Variants in VLDLR observed in about 807,000 individuals in gnomAD.
The protein encoded by VLDLR is very low density lipoprotein receptor, also known as very low-density lipoprotein receptor.
Under a neutral mutation model 112.7 loss-of-function variants are expected in VLDLR, and 81 were observed. The observed-to-expected ratio is 0.72, with a 90% CI of 0.60 to 0.86. VLDLR has a LOEUF of 0.86. Among genes scored for constraint, VLDLR ranks in the 40% least tolerant of loss-of-function variants. VLDLR has a pLI of 0.00. For synonymous variants in VLDLR, 436 were observed against 384.8 expected (o/e 1.13, Z -1.56); for missense variants, 1,237 against 1,099.4 (o/e 1.13, Z -1.77).
intron 17 of VLDLR, 71 bp from the exon 18 acceptor site, chr9:2,652,709 A>G: frequency 6.3e-7 from 1 of 1,592,328 alleles, no homozygotes; most frequent in Admixed American, 1.7e-5. Flanking sequence ...TGGATTCCTG[A>G]ACGTTATTAC....
chr9:2,643,807 G>A (rs1817935960), intron 6 of VLDLR, 30 bp from the exon 7 acceptor site: 1 of 1,614,164 alleles, frequency 6.2e-7, no homozygotes, highest in Non-Finnish European at 8.5e-7. Context: ...ACCCACTCAT[G>A]GAATCTCTCT....
At position 2,645,460 on chromosome 9, in the gene VLDLR, G is replaced by A. The variant is rs1316662856; in HGVS notation, c.1313-114G>A. The A allele has an allele frequency of 1.2e-5, 15 of 1,262,262 alleles. No homozygotes were observed. In the African/African-American group the frequency reaches 1.9e-4, roughly 16 times the overall value. 78.2% of individuals were successfully genotyped at this position (1,262,262 alleles called of 1,614,324 possible). The stretch of plus-strand genomic sequence containing the variant: ...CAGGAACTCCAGAACAGATACTACT[G>A]AGGTATTCCACAATACCTTTATTTT... On this transcript the variant is annotated intron_variant, in intron 9 of 18. Transcript: ENST00000382100.
intron 7 of VLDLR, among the ~76,000 whole-genome samples, 194 bp from the exon 8 acceptor site, chr9:2,644,540 C>T (rs1481997188): frequency 6.6e-6 from 1 of 151,904 alleles, no homozygotes; most frequent in African/African-American, 2.4e-5. Flanking sequence ...AAATGCTTGA[C>T]CAGCTGGTAA....
intron 10 of VLDLR, 31 bp downstream of exon 10, chr9:2,645,776 A>G (rs1249011632): frequency 6.2e-7 from 1 of 1,613,568 alleles, no homozygotes; most frequent in African/African-American, 1.3e-5. Context: ...TGGTGTCTTG[A>G]CATAAGTCAT....
At chr9:2,653,148 A>T (rs576621997) in intron 18 of VLDLR, among the ~76,000 whole-genome samples, 199 bp downstream of exon 18, 1 of 152,342 alleles carries the variant, frequency 6.6e-6, no homozygotes, top group South Asian at 2.1e-4. Context: ...ACCAACTGAC[A>T]AGTGGGTCAA....
intron 14 of VLDLR, among the ~76,000 whole-genome samples, chr9:2,649,337 T>C (rs1454498152): frequency 1.3e-5 from 2 of 152,176 alleles, no homozygotes; most frequent in African/African-American, 4.8e-5. Flanking sequence ...TCCCCCTTTG[T>C]CTCTTCACAT....
At chr9:2,648,184 A>C in intron 12 of VLDLR, 24 bp from the exon 13 acceptor site, 2 of 1,612,866 alleles carry the variant, frequency 1.2e-6, no homozygotes, top group Non-Finnish European at 1.7e-6. Flanking sequence ...CTTGTCATGT[A>C]ATGACAATTC....
chr9:2,650,425 G>A lies in VLDLR; in HGVS notation c.2160G>A (p.Leu720=). ...ATGGAGGATGTGAATACCTATGCCT[G>A]CCAGCACCACAGATTAATGATCACT... ...MENGGCEYLC[L]PAPQINDHSP... Residue 720 remains leucine, a synonymous_variant, in exon 15 of 19, where the codon CTG becomes CTA. Coordinates refer to ENST00000382100, the MANE Select transcript of VLDLR (RefSeq NM_003383.5). 6.2e-7 allele frequency: 1 copy of A among 1,614,110 alleles called. No individual in the cohort carries two copies. Among genetic ancestry groups the A allele is most frequent in the Non-Finnish European group, 8.5e-7 (1 of 1,180,026 alleles).
intron 18 of VLDLR, 44 bp from the exon 19 acceptor site, chr9:2,653,789 G>T (rs1296799236): frequency 6.2e-7 from 1 of 1,612,162 alleles, no homozygotes; most frequent in Non-Finnish European, 8.5e-7. Context: ...GTTGCCATCA[G>T]TGAGTGATCA....
In VLDLR at chr9:2,650,456, A is replaced by G. The variant is rs1396393862; in HGVS notation, c.2191A>G (p.Lys731Glu). 1 of 1,614,130 alleles carries G rather than the reference A, an allele frequency of 6.2e-7. No individual in the cohort carries two copies. The highest frequency in any genetic ancestry group is 8.5e-7 in the Non-Finnish European group (1 of 1,180,012). Residue 731 changes from lysine (K) to glutamate (E), a missense_variant, in exon 15 of 19, where the codon AAA (lysine) becomes GAA (glutamate). Physicochemically the swap from Lys to Glu is moderately conservative, Grantham distance 56. Transcript: ENST00000382100. ...PAPQINDHSP[K>E]YTCSCPSGYN... is the part of the protein sequence containing the mutation. ...ACCACAGATTAATGATCACTCTCCA[A>G]AATATACCTGTTCCTGTCCCAGTGG...
At position 2,643,344 on chromosome 9, in the gene VLDLR, A is replaced by T; in HGVS notation, c.633A>T (p.Val211=). Residue 211 remains valine, a synonymous_variant, in exon 5 of 19, where the codon GTA becomes GTT. Transcript: ENST00000382100. ...STSSCIPISW[V]CDDDADCSDQ... is the part of the protein sequence containing the mutation. ...CCTCCTGCATCCCCATCAGCTGGGT[A>T]TGCGACGATGATGCAGACTGCTCCG... is the stretch of plus-strand genomic sequence containing the variant. The T allele has an allele frequency of 1.2e-6, 2 of 1,614,112 alleles. No homozygotes were observed. Among genetic ancestry groups the T allele is most frequent in the Non-Finnish European group, 1.7e-6 (2 of 1,180,014 alleles).
At position 2,621,876 on chromosome 9, in the gene VLDLR, C is replaced by T. The variant is rs953543496; in HGVS notation, c.-314C>T. On this transcript the variant is annotated 5_prime_UTR_variant, in exon 1 of 19. Transcript: ENST00000382100. ...TCTTCTGCTCTCGGCTCCCCACCCCCTCTCCCTTCCCTCCTCTCCCCTTGC... is the reference window on the plus strand; with the variant it reads ...TCTTCTGCTCTCGGCTCCCCACCCCTTCTCCCTTCCCTCCTCTCCCCTTGC... The T allele has an allele frequency of 1.7e-6, 1 of 598,984 alleles. No homozygotes were observed. Among genetic ancestry groups the T allele is most frequent in the East Asian group, 3.6e-5 (1 of 27,920 alleles). 37.1% of individuals were successfully genotyped at this position (598,984 alleles called of 1,614,324 possible). A position where few individuals can be genotyped will look rare whatever the true frequency, so the allele number is the denominator to read the frequency against.
chr9:2,649,155 T>C (rs1418827172), intron 14 of VLDLR, among the ~76,000 whole-genome samples: 1 of 152,166 alleles, frequency 6.6e-6, no homozygotes, highest in East Asian at 1.9e-4. Flanking sequence ...GTTAGTTTGC[T>C]AGGATTTTTG....
Position 2,648,685 on chromosome 9 carries a change from T to C in VLDLR, c.1979T>C (p.Ile660Thr), listed in dbSNP as rs772914632. The C allele has an allele frequency of 1.2e-6, 2 of 1,614,054 alleles. No individual in the cohort carries two copies. The highest frequency in any genetic ancestry group is 2.7e-5 in the African/African-American group (2 of 74,922). The change falls in exon 14 of 19, where the codon ATA (isoleucine) becomes ACA (threonine). Residue 660 changes from isoleucine (I) to threonine (T), a missense_variant. Coordinates refer to ENST00000382100, the MANE Select transcript of VLDLR (RefSeq NM_003383.5). ...CTGTTTTAGGATCGTGTCTACTGGATAGATGGGGAAAATGAAGCAGTCTAT... is the reference window on the plus strand; with the variant it reads ...CTGTTTTAGGATCGTGTCTACTGGACAGATGGGGAAAATGAAGCAGTCTAT... ...LTIFEDRVYW[I>T]DGENEAVYGA... is the part of the protein sequence containing the mutation.
In VLDLR at chr9:2,622,220, C is replaced by T. The variant is rs765626542; in HGVS notation, c.31C>T (p.Leu11=). The change falls in exon 1 of 19, where the codon CTG becomes TTG. Residue 11 remains leucine (L), a synonymous_variant. Coordinates refer to ENST00000382100, the MANE Select transcript of VLDLR (RefSeq NM_003383.5). MGTSALWALW[L]LLALCWAPRE... is the part of the protein sequence containing the mutation. ...CACGTCCGCGCTCTGGGCGCTCTGG[C>T]TGCTGCTCGCGCTGTGCTGGGCGCC... The T allele has an allele frequency of 8.6e-6, 13 of 1,506,138 alleles. 1 individual carries two copies. The highest frequency in any genetic ancestry group is 1.8e-4 in the Middle Eastern group (1 of 5,498). The allele number at this position is 1,506,138 out of a possible 1,614,324, so 93.3% of individuals were successfully genotyped here. A position where few individuals can be genotyped will look rare whatever the true frequency, so the allele number is the denominator to read the frequency against.
intron 2 of VLDLR, among the ~76,000 whole-genome samples, chr9:2,637,921 T>A (rs914501580): frequency 6.6e-6 from 1 of 152,030 alleles, no homozygotes; most frequent in Non-Finnish European, 1.5e-5. Flanking sequence ...CCAGCCTGGG[T>A]GACAGAGCGA....
In VLDLR at chr9:2,654,000, C is replaced by G. The variant is rs1336176181; in HGVS notation, c.*132C>G. On this transcript the variant is annotated 3_prime_UTR_variant, in exon 19 of 19. Transcript: ENST00000382100. ...AACATCAAGATACCTTTGCGTGGATCAAGCTTGTGTACTTGACCGTTTTTA... is the reference window on the plus strand; with the variant it reads ...AACATCAAGATACCTTTGCGTGGATGAAGCTTGTGTACTTGACCGTTTTTA... The G allele has an allele frequency of 2.2e-6, 2 of 911,088 alleles. No individual in the cohort carries two copies. Among genetic ancestry groups the G allele is most frequent in the Non-Finnish European group, 3.6e-6 (2 of 558,288 alleles). The allele number at this position is 911,088 out of a possible 1,614,324, so 56.4% of individuals were successfully genotyped here. A position where few individuals can be genotyped will look rare whatever the true frequency, so the allele number is the denominator to read the frequency against.
Position 2,646,423 on chromosome 9 carries a change from A to C in VLDLR, c.1574A>C (p.Lys525Thr). 1 of 1,614,182 alleles carries C rather than the reference A, an allele frequency of 6.2e-7. No homozygotes were observed. Among genetic ancestry groups the C allele is most frequent in the Non-Finnish European group, 8.5e-7 (1 of 1,180,014 alleles). Reference sequence around the variant, plus strand: ...GCCATTGCTGTTGATTGGGTGTACAAGACCATCTACTGGACTGATGCGGCT... The same window carrying C: ...GCCATTGCTGTTGATTGGGTGTACACGACCATCTACTGGACTGATGCGGCT... ...PAAIAVDWVY[K>T]TIYWTDAASK... is the part of the protein sequence containing the mutation. The change falls in exon 11 of 19, where the codon AAG (lysine) becomes ACG (threonine). Residue 525 changes from lysine (K) to threonine (T), a missense_variant. Coordinates refer to ENST00000382100, the MANE Select transcript of VLDLR (RefSeq NM_003383.5).
At position 2,654,105 on chromosome 9, in the gene VLDLR, T is replaced by C. The variant is rs1818489870; in HGVS notation, c.*237T>C. 1.9e-6 allele frequency: 1 copy of C among 524,826 alleles called. No homozygotes were observed. The highest frequency in any genetic ancestry group is 3.2e-5 in the Admixed American group (1 of 31,552). The allele number at this position is 524,826 out of a possible 1,614,324, so 32.5% of individuals were successfully genotyped here. On this transcript the variant is annotated 3_prime_UTR_variant, in exon 19 of 19. Coordinates refer to ENST00000382100, the MANE Select transcript of VLDLR (RefSeq NM_003383.5). ...ACCGAGTATCTGTAACCCTTGAATT[T>C]CTAGACAGTATTGCCACCTCTGGCC...
Sources: gnomAD v4.1 joint callset for allele counts (sites outside exome capture counted in the v4.1 genomes callset) on GRCh38, gnomAD v4.1.1 for gene constraint, MANE v1.5 for transcripts, NCBI Gene and HGNC (gene_info 2026-07-23, HGNC 2026-07-21) for gene names.